The following SCMH1 variants were observed in gnomAD, a reference collection of about 807,000 sequenced individuals.
SCMH1 encodes polycomb protein SCMH1.
In SCMH1, 37 loss-of-function variants were observed where a neutral mutation model predicts 70.8. That is an observed-to-expected ratio of 0.52 (90% CI 0.40 to 0.69). The LOEUF is 0.69. Ranked by LOEUF, SCMH1 falls within the 30% of genes least tolerant of loss-of-function variation. The pLI is 0.00. For synonymous variants in SCMH1, 292 were observed against 307.4 expected, an observed-to-expected ratio of 0.95 and a Z score of 0.52; for missense variants, 607 against 827.3, an observed-to-expected ratio of 0.73 and a Z score of 3.27.
At chr1:41,147,965 T>A (rs1290681188) in intron 5 of SCMH1, among the ~76,000 whole-genome samples, 1 of 152,220 alleles carries the variant, frequency 6.6e-6, no homozygotes, top group Admixed American at 6.5e-5. Flanking sequence ...TTTTGCTTTT[T>A]ATCCAATGTG....
chr1:41,197,952 C>T (rs957797653), intron 1 of SCMH1, among the ~76,000 whole-genome samples: 4 of 152,152 alleles, frequency 2.6e-5, no homozygotes, highest in Non-Finnish European at 5.9e-5. Context: ...CTATACATAG[C>T]ATGCAGTACA....
intron 6 of SCMH1, among the ~76,000 whole-genome samples, chr1:41,118,848 C>T (rs1197299396): frequency 6.6e-6 from 1 of 152,144 alleles, no homozygotes; most frequent in African/African-American, 2.4e-5. Flanking sequence ...CTTCCCACTC[C>T]AAACAAAAGA....
intron 1 of SCMH1, among the ~76,000 whole-genome samples, chr1:41,225,698 GA>G (rs1438523474): frequency 1.3e-5 from 2 of 152,178 alleles, no homozygotes; most frequent in Non-Finnish European, 2.9e-5. Flanking sequence ...AAGGAAAGTG[GA>G]AAAGTAATAA....
intron 1 of SCMH1, among the ~76,000 whole-genome samples, chr1:41,188,283 C>T (rs928308331): frequency 1.3e-5 from 2 of 152,184 alleles, no homozygotes; most frequent in Non-Finnish European, 2.9e-5. Context: ...GCATGTGCCG[C>T]CATGCTTGGC....
At position 41,028,862 on chromosome 1, in the gene SCMH1, T is replaced by G. The variant is rs140926547; in HGVS notation, c.1679-136A>C. On this transcript the variant is annotated intron_variant, in intron 13 of 14. Transcript: ENST00000337495. The stretch of plus-strand genomic sequence containing the variant: ...AGACGATGAGCTGAGGAACTGGAGA[T>G]AGCTGGGGGAGGGAAGCATTTCTTC... The G allele has an allele frequency of 1.9e-5, 18 of 926,752 alleles. No individual in the cohort carries two copies. In the African/African-American group the frequency reaches 2.5e-4, roughly 13 times the overall value. 57.4% of individuals were successfully genotyped at this position (926,752 alleles called of 1,614,324 possible).
intron 6 of SCMH1, among the ~76,000 whole-genome samples, chr1:41,140,895 A>C (rs1644003235): frequency 6.6e-6 from 1 of 152,236 alleles, no homozygotes; most frequent in South Asian, 2.1e-4. Flanking sequence ...AAGATGGGAT[A>C]ATTCAAGCAT....
At chr1:41,117,497 G>A (rs1341354375) in intron 6 of SCMH1, among the ~76,000 whole-genome samples, 1 of 152,014 alleles carries the variant, frequency 6.6e-6, no homozygotes, top group Non-Finnish European at 1.5e-5. Flanking sequence ...GGGAAAGGGA[G>A]TCACCCTTTC....
intron 2 of SCMH1, among the ~76,000 whole-genome samples, chr1:41,184,917 G>C (rs78252903): frequency 6.6e-6 from 1 of 152,262 alleles, no homozygotes; most frequent in Non-Finnish European, 1.5e-5. Context: ...TCTTATGTGT[G>C]TATTTGTGTT....
At chr1:41,150,536 C>A (rs556884440) in intron 5 of SCMH1, among the ~76,000 whole-genome samples, 1 of 152,216 alleles carries the variant, frequency 6.6e-6, no homozygotes, top group African/African-American at 2.4e-5. Flanking sequence ...CCATTATTAA[C>A]ATATGTTGTC....
chr1:41,055,310 C>G (rs769615506), intron 10 of SCMH1, among the ~76,000 whole-genome samples: 2 of 152,030 alleles, frequency 1.3e-5, no homozygotes, highest in African/African-American at 4.8e-5. Flanking sequence ...TAATACTGGA[C>G]CTAATTAAGG....
intron 1 of SCMH1, among the ~76,000 whole-genome samples, chr1:41,186,573 T>C (rs1011357623): frequency 1.3e-5 from 2 of 152,160 alleles, no homozygotes; most frequent in Non-Finnish European, 2.9e-5. Flanking sequence ...TAACATGGTG[T>C]TATGGGCTGA....
rs547687758 is a variant in SCMH1 at position 41,130,144 on chromosome 1, T to C, written c.412+12734A>G. ...TGTACATCTTCTTTGGAAAAAAATATATTCAAGTCCTTTGCTAATTTTTGA... is the reference window on the plus strand; with the variant it reads ...TGTACATCTTCTTTGGAAAAAAATACATTCAAGTCCTTTGCTAATTTTTGA... On this transcript the variant is annotated intron_variant, in intron 6 of 14. Coordinates refer to ENST00000337495, the Ensembl canonical transcript of SCMH1. Among the ~76,000 whole-genome samples, 5 of 152,350 alleles carry C rather than the reference T, an allele frequency of 3.3e-5. No individual in the cohort carries two copies. In the South Asian group the frequency reaches 1.0e-3, roughly 32 times the overall value.
At chr1:41,235,977 ATT>A (rs1662295926) in intron 1 of SCMH1, among the ~76,000 whole-genome samples, 1 of 152,142 alleles carries the variant, frequency 6.6e-6, no homozygotes, top group Non-Finnish European at 1.5e-5. Flanking sequence ...ATACCACAAT[ATT>A]TTCATTCTTT....
intron 11 of SCMH1, 96 bp downstream of exon 11, chr1:41,048,594 G>A: frequency 9.3e-7 from 1 of 1,078,458 alleles, no homozygotes; most frequent in Non-Finnish European, 1.4e-6. Flanking sequence ...GAGCCTGCAG[G>A]TATGAAGTGG....
At chr1:41,161,130 C>G (rs370527954) in intron 3 of SCMH1, among the ~76,000 whole-genome samples, 11 of 152,148 alleles carry the variant, frequency 7.2e-5, no homozygotes, top group Non-Finnish European at 1.6e-4. Context: ...GCTAAGCAAC[C>G]GTGCCTAAAA....
At chr1:41,123,319 T>C (rs976778198) in intron 6 of SCMH1, among the ~76,000 whole-genome samples, 2 of 152,174 alleles carry the variant, frequency 1.3e-5, no homozygotes, top group African/African-American at 4.8e-5. Context: ...ACACCAGGAA[T>C]TGATCAGTGA....
intron 10 of SCMH1, among the ~76,000 whole-genome samples, chr1:41,053,993 C>T (rs929170123): frequency 7.2e-5 from 11 of 152,126 alleles, no homozygotes; most frequent in South Asian, 2.1e-4. Flanking sequence ...TACAGGCGCC[C>T]GCCACCACAC....
At chr1:41,060,675 C>A (rs1652300851) in intron 10 of SCMH1, among the ~76,000 whole-genome samples, 1 of 152,042 alleles carries the variant, frequency 6.6e-6, no homozygotes, top group Non-Finnish European at 1.5e-5. Flanking sequence ...GACAGGGTCT[C>A]ACTCTGTCAC....
chr1:41,202,193 G>A (rs1008711773), intron 1 of SCMH1, among the ~76,000 whole-genome samples: 169 of 152,030 alleles, frequency 1.1e-3, no homozygotes, highest in African/African-American at 3.8e-3. Flanking sequence ...CCACGACCAC[G>A]CCCGGCTAAT....
Sources: allele counts gnomAD v4.1 joint callset (sites outside exome capture counted in the v4.1 genomes callset), GRCh38; gene constraint gnomAD v4.1.1; transcripts MANE v1.5; gene names NCBI Gene and HGNC (gene_info 2026-07-23, HGNC 2026-07-21).